The following CLVS1 variants were observed in gnomAD, a reference collection of about 807,000 sequenced individuals.
CLVS1 encodes clavesin-1.
In CLVS1, 10 loss-of-function variants were observed where a neutral mutation model predicts 33.1. That is an observed-to-expected ratio of 0.30 (90% CI 0.19 to 0.51). The LOEUF is 0.51. Among genes scored for constraint, CLVS1 ranks in the 20% least tolerant of loss-of-function variants. The pLI, the probability that CLVS1 is intolerant of heterozygous loss-of-function variation, is 0.97. For synonymous variants in CLVS1, 163 were observed against 166.1 expected, an observed-to-expected ratio of 0.98 and a Z score of 0.14; for missense variants, 343 against 433.4, an observed-to-expected ratio of 0.79 and a Z score of 1.85.
chr8:61,227,612 T>G (rs1330591768), intron 2 of CLVS1, among the ~76,000 whole-genome samples: 1 of 152,246 alleles, frequency 6.6e-6, no homozygotes, highest in Non-Finnish European at 1.5e-5. Context: ...TGTGACATAG[T>G]TATTCTCATG....
chr8:60,995,176 G>A, the CLVS1 span, among the ~76,000 whole-genome samples: 1 of 152,314 alleles, frequency 6.6e-6, no homozygotes, highest in South Asian at 2.1e-4. Flanking sequence ...CTAATTAAAT[G>A]AAAGAGCTTC....
chr8:61,386,496 C>T (rs971362393), intron 3 of CLVS1, among the ~76,000 whole-genome samples: 5 of 152,148 alleles, frequency 3.3e-5, no homozygotes, highest in Admixed American at 3.3e-4. Flanking sequence ...ATGCCATGCT[C>T]AGCTGAAAAA....
chr8:61,488,642 C>T (rs1432181795), intron 5 of CLVS1, among the ~76,000 whole-genome samples: 1 of 152,122 alleles, frequency 6.6e-6, no homozygotes, highest in Non-Finnish European at 1.5e-5. Context: ...TCAAAGAGCT[C>T]CAAGCACTTT....
At chr8:61,056,123 G>A (rs1271936375), upstream of CLVS1, among the ~76,000 whole-genome samples, 1 of 152,194 alleles carries the variant, frequency 6.6e-6, no homozygotes, top group African/African-American at 2.4e-5. Flanking sequence ...TGTAAGGGAG[G>A]TTGGGAAGTA....
intron 2 of CLVS1, among the ~76,000 whole-genome samples, chr8:61,319,052 T>C (rs1811107634): frequency 6.6e-6 from 1 of 152,242 alleles, no homozygotes; most frequent in Non-Finnish European, 1.5e-5. Context: ...TAAACATACA[T>C]ATTTTAAATT....
the CLVS1 span, among the ~76,000 whole-genome samples, chr8:61,008,073 A>G: frequency 1.3e-5 from 2 of 152,202 alleles, no homozygotes; most frequent in Non-Finnish European, 2.9e-5. Context: ...GTCAGTGGGA[A>G]GAATTCCAAG....
At chr8:61,299,514 A>G (rs1488315323) in intron 1 of CLVS1, among the ~76,000 whole-genome samples, 163 bp from the exon 2 acceptor site, 1 of 152,198 alleles carries the variant, frequency 6.6e-6, no homozygotes, top group East Asian at 1.9e-4. Context: ...ACTTTTGCTC[A>G]ATACTCCATT....
intron 2 of CLVS1, among the ~76,000 whole-genome samples, chr8:61,339,404 A>G (rs1402873583): frequency 6.6e-6 from 1 of 152,090 alleles, no homozygotes. Flanking sequence ...TTTATATTCA[A>G]GCAATTAAGA....
the CLVS1 span, among the ~76,000 whole-genome samples, chr8:61,037,992 T>C: frequency 6.6e-6 from 1 of 152,082 alleles, no homozygotes; most frequent in African/African-American, 2.4e-5. Context: ...ACCAGGGCAG[T>C]GCAGAGTGGG....
intron 1 of CLVS1, among the ~76,000 whole-genome samples, chr8:61,094,895 C>G (rs774308304): frequency 6.6e-6 from 1 of 152,196 alleles, no homozygotes. Context: ...CCCTAGCAGA[C>G]TAACACAGTA....
intron 3 of CLVS1, among the ~76,000 whole-genome samples, chr8:61,410,182 C>T (rs970759448): frequency 2.0e-5 from 3 of 148,514 alleles, no homozygotes; most frequent in African/African-American, 7.4e-5. Context: ...CTTCATTTTA[C>T]ACTTAAATTC....
At chr8:61,416,297 GCTAGCTAGATACATAC>G (rs58154649) in intron 3 of CLVS1, among the ~76,000 whole-genome samples, 2,801 of 150,022 alleles carry the variant, frequency 0.019, 105 homozygotes, top group African/African-American at 0.066. Context: ...TAGCTAGCTA[GCTAGCTAGATACATAC>G]ATACATACAT....
the CLVS1 span, chr8:60,966,418 C>T: frequency 4.4e-6 from 2 of 455,712 alleles, no homozygotes; most frequent in Non-Finnish European, 8.8e-6. Flanking sequence ...CTGCTTTGGT[C>T]ACTGCTATGG....
intron 1 of CLVS1, among the ~76,000 whole-genome samples, chr8:61,089,708 C>T (rs1450237240): frequency 1.3e-5 from 2 of 152,010 alleles, no homozygotes; most frequent in African/African-American, 2.4e-5. Flanking sequence ...TGCTTGAGGC[C>T]AGTGGTATGA....
At chr8:60,988,750 T>A in the CLVS1 span, among the ~76,000 whole-genome samples, 1 of 152,226 alleles carries the variant, frequency 6.6e-6, no homozygotes, top group Non-Finnish European at 1.5e-5. Flanking sequence ...CCAACAATAC[T>A]ACTACAACTT....
At chr8:61,432,615 G>A (rs926556326) in intron 3 of CLVS1, among the ~76,000 whole-genome samples, 4 of 152,190 alleles carry the variant, frequency 2.6e-5, no homozygotes, top group Non-Finnish European at 4.4e-5. Context: ...ACAACTGTGG[G>A]AAGAGAAATT....
At chr8:61,252,581 CT>C (rs768026227) in intron 2 of CLVS1, among the ~76,000 whole-genome samples, 6 of 152,092 alleles carry the variant, frequency 3.9e-5, no homozygotes, top group African/African-American at 9.7e-5. Flanking sequence ...TAAGAACTTG[CT>C]TTATGAATCT....
intron 2 of CLVS1, among the ~76,000 whole-genome samples, chr8:61,263,508 G>C (rs1585732322): frequency 6.6e-6 from 1 of 152,108 alleles, no homozygotes; most frequent in Non-Finnish European, 1.5e-5. Context: ...CCTTTCGTCG[G>C]CTCTTATTTA....
chr8:61,227,493 G>A (rs1479911192), intron 2 of CLVS1, among the ~76,000 whole-genome samples: 1 of 152,066 alleles, frequency 6.6e-6, no homozygotes, highest in Admixed American at 6.6e-5. Flanking sequence ...ATTCTCTCCT[G>A]TTTAAATAAT....
Sources: allele counts gnomAD v4.1 joint callset (sites outside exome capture counted in the v4.1 genomes callset), GRCh38; gene constraint gnomAD v4.1.1; transcripts MANE v1.5; gene names NCBI Gene and HGNC (gene_info 2026-07-23, HGNC 2026-07-21).